The following EPHA6 variants were observed in gnomAD, a reference collection of about 807,000 sequenced individuals.
EPHA6 encodes the protein EPH receptor A6.
In EPHA6, 50 loss-of-function variants were observed where a neutral mutation model predicts 112.0. The ratio of observed to expected loss-of-function variants is 0.45; its 90% CI spans 0.36 to 0.56. The LOEUF is 0.56. EPHA6 is among the 20% of genes least tolerant of loss of function. The pLI is 0.00. For missense variants in EPHA6, 1,280 were observed against 1,417.4 expected (o/e 0.90, Z 1.56); for synonymous variants, 529 against 490.7 (o/e 1.08, Z -1.03).
At chr3:96,929,619 G>A (rs569396753) in intron 2 of EPHA6, among the ~76,000 whole-genome samples, 8 of 152,268 alleles carry the variant, frequency 5.3e-5, no homozygotes, top group South Asian at 2.1e-4. Flanking sequence ...GCTTCCCTTT[G>A]TAGGTGACCT....
intron 5 of EPHA6, among the ~76,000 whole-genome samples, chr3:97,315,777 A>C (rs1455229146): frequency 6.6e-6 from 1 of 151,808 alleles, no homozygotes; most frequent in Non-Finnish European, 1.5e-5. Context: ...GTTTGTTATT[A>C]CCATTTCACA....
intron 6 of EPHA6, among the ~76,000 whole-genome samples, chr3:97,424,082 C>T (rs556204331): frequency 6.6e-6 from 1 of 152,140 alleles, no homozygotes; most frequent in Non-Finnish European, 1.5e-5. Flanking sequence ...CTGGTGAGGC[C>T]TCACAATCAT....
intron 2 of EPHA6, among the ~76,000 whole-genome samples, chr3:96,923,297 T>C (rs1222075429): frequency 6.6e-6 from 1 of 152,212 alleles, no homozygotes; most frequent in Non-Finnish European, 1.5e-5. Flanking sequence ...CTAACCAGCA[T>C]CTGCTATTTT....
chr3:97,514,172 A>G (rs1029178429), intron 10 of EPHA6, among the ~76,000 whole-genome samples: 4 of 152,150 alleles, frequency 2.6e-5, no homozygotes, highest in Admixed American at 6.6e-5. Context: ...GGCAGAACTG[A>G]TATCTTCCAA....
At chr3:97,275,197 C>G (rs561018613) in intron 5 of EPHA6, among the ~76,000 whole-genome samples, 2 of 152,174 alleles carry the variant, frequency 1.3e-5, no homozygotes, top group East Asian at 3.9e-4. Flanking sequence ...GGAGTTATTG[C>G]TTTGTAGAAG....
intron 6 of EPHA6, among the ~76,000 whole-genome samples, chr3:97,407,731 T>A (rs566102371): frequency 1.2e-4 from 18 of 152,176 alleles, no homozygotes; most frequent in South Asian, 6.2e-4. Flanking sequence ...TTATTTTTTT[T>A]ATTTTTTTAT....
In EPHA6 at chr3:97,061,048, T is replaced by C. The variant is rs999636022; in HGVS notation, c.1114+73055T>C. Among the ~76,000 whole-genome samples, 5 of 149,930 alleles carry C rather than the reference T, an allele frequency of 3.3e-5. No individual in the cohort carries two copies. The East Asian group carries it at 7.9e-4, about 24-fold the overall frequency. ...AATGGTGGCTTGGGTGGTTCAGAAA[T>C]GTCAGTAGAATAAAGACTTGCCAAA... is the stretch of plus-strand genomic sequence containing the variant. On this transcript the variant is annotated intron_variant, in intron 3 of 17. Transcript: ENST00000389672.
At position 97,549,877 on chromosome 3, in the gene EPHA6, G is replaced by A. The variant is rs570209645; in HGVS notation, c.2386+17334G>A. ...ATAAAAGTCTGGACCCATCTATGTTGAATTTCCTGCTAGCTCTGGGGGCTT... is the reference window on the plus strand; with the variant it reads ...ATAAAAGTCTGGACCCATCTATGTTAAATTTCCTGCTAGCTCTGGGGGCTT... On this transcript the variant is annotated intron_variant, in intron 11 of 17. Transcript: ENST00000389672. Among the ~76,000 whole-genome samples, 30 of 152,202 alleles carry A rather than the reference G, an allele frequency of 2.0e-4. No homozygotes were observed. The South Asian group carries it at 6.0e-3, about 31-fold the overall frequency.
intron 3 of EPHA6, among the ~76,000 whole-genome samples, chr3:97,159,821 G>A (rs1441712608): frequency 3.3e-5 from 5 of 152,172 alleles, no homozygotes; most frequent in Non-Finnish European, 7.4e-5. Context: ...GAGGCATTCT[G>A]TAAATCCACA....
intron 8 of EPHA6, among the ~76,000 whole-genome samples, chr3:97,477,798 C>G (rs981007654): frequency 8.6e-6 from 1 of 116,198 alleles, no homozygotes; most frequent in Non-Finnish European, 1.7e-5. Flanking sequence ...TCATGAAGGA[C>G]AATCTGCTTT....
chr3:97,702,735 C>T (rs890375228), intron 14 of EPHA6, among the ~76,000 whole-genome samples: 1 of 152,104 alleles, frequency 6.6e-6, no homozygotes, highest in African/African-American at 2.4e-5. Context: ...CTGGCTTCAA[C>T]CCATGGATTC....
intron 2 of EPHA6, among the ~76,000 whole-genome samples, chr3:96,964,408 C>T (rs950682743): frequency 6.6e-6 from 1 of 152,120 alleles, no homozygotes; most frequent in Non-Finnish European, 1.5e-5. Flanking sequence ...TCTTAGACAA[C>T]TGTTCTATTT....
chr3:97,420,316 A>G (rs1175740631), intron 6 of EPHA6, among the ~76,000 whole-genome samples: 1 of 151,938 alleles, frequency 6.6e-6, no homozygotes, highest in Non-Finnish European at 1.5e-5. Context: ...ATAAAAATTG[A>G]CCAAAATAAA....
intron 1 of EPHA6, among the ~76,000 whole-genome samples, chr3:96,844,075 G>T (rs759405056): frequency 3.9e-5 from 6 of 151,940 alleles, no homozygotes; most frequent in Non-Finnish European, 7.4e-5. Context: ...AGAGGAGTAG[G>T]TTTACTTAGT....
chr3:97,472,125 A>C (rs2091247639), intron 7 of EPHA6, among the ~76,000 whole-genome samples: 1 of 151,734 alleles, frequency 6.6e-6, no homozygotes, highest in Admixed American at 6.6e-5. Context: ...AAGTTTCTTA[A>C]TTACACCTGC....
intron 2 of EPHA6, among the ~76,000 whole-genome samples, chr3:96,938,778 G>A (rs1000702535): frequency 5.3e-5 from 8 of 152,018 alleles, no homozygotes; most frequent in Admixed American, 1.3e-4. Flanking sequence ...TTTGAGATAC[G>A]TCCCATCAAT....
chr3:96,974,210 TTAA>T (rs1166027397), intron 2 of EPHA6, among the ~76,000 whole-genome samples: 2 of 147,332 alleles, frequency 1.4e-5, no homozygotes, highest in African/African-American at 2.5e-5. Flanking sequence ...AATTATATTA[TTAA>T]TTATTGATAT....
intron 3 of EPHA6, among the ~76,000 whole-genome samples, chr3:97,049,112 C>T (rs527641856): frequency 6.4e-4 from 97 of 152,122 alleles, no homozygotes; most frequent in Non-Finnish European, 1.1e-3. Flanking sequence ...AGTGAGTGGG[C>T]GACAAGGTCA....
At chr3:96,982,751 A>G (rs1336142075) in intron 2 of EPHA6, among the ~76,000 whole-genome samples, 1 of 152,182 alleles carries the variant, frequency 6.6e-6, no homozygotes, top group Non-Finnish European at 1.5e-5. Context: ...TATTGAATGC[A>G]TATATATTTA....
Sources: gnomAD v4.1 joint callset for allele counts (sites outside exome capture counted in the v4.1 genomes callset) on GRCh38, gnomAD v4.1.1 for gene constraint, MANE v1.5 for transcripts, NCBI Gene and HGNC (gene_info 2026-07-23, HGNC 2026-07-21) for gene names.